DCP2: variants seen among roughly 807,000 people sequenced by gnomAD.
DCP2 encodes decapping mRNA 2.
In DCP2, 30 loss-of-function variants were observed where a neutral mutation model predicts 56.1. That is an observed-to-expected ratio of 0.53 (90% CI 0.40 to 0.73). DCP2 has a LOEUF of 0.73. Among genes scored for constraint, DCP2 ranks in the 30% least tolerant of loss-of-function variants. DCP2 has a pLI of 0.00. For synonymous variants in DCP2, 197 were observed against 163.3 expected, an observed-to-expected ratio of 1.21 and a Z score of -1.57; for missense variants, 533 against 502.7, an observed-to-expected ratio of 1.06 and a Z score of -0.58.
At position 113,018,085 on chromosome 5, in the gene DCP2, C is replaced by T. The variant is rs1408126477; in HGVS notation, c.*4601C>T. 6.6e-6 allele frequency: 1 copy of T among 152,226 alleles called. No homozygotes were observed. Among genetic ancestry groups the T allele is most frequent in the East Asian group, 1.9e-4 (1 of 5,200 alleles). The allele number at this position is 152,226 out of a possible 1,614,324, so 9.4% of individuals were successfully genotyped here. A position where few individuals can be genotyped will look rare whatever the true frequency, so the allele number is the denominator to read the frequency against. On this transcript the variant is annotated 3_prime_UTR_variant, in exon 11 of 11. Transcript: ENST00000389063. ...AGCCATAATCTGCTTTGGTGTCAGT[C>T]ACATCACAGTGGTTATACATTTGTC...
intron 4 of DCP2, among the ~76,000 whole-genome samples, 195 bp downstream of exon 4, chr5:112,992,965 G>T (rs1450719640): frequency 4.1e-5 from 6 of 144,808 alleles, no homozygotes; most frequent in African/African-American, 1.0e-4. Flanking sequence ...ATTCTTATCT[G>T]TTCCCATTTT....
intron 1 of DCP2, chr5:112,984,693 A>ATATATATATATATAT (rs1267092599): frequency 1.5e-4 from 11 of 75,674 alleles, no homozygotes; most frequent in African/African-American, 6.9e-4. Flanking sequence ...AATTAAAAAA[A>ATATATATATATATAT]AAAAAAAAAA....
At chr5:112,988,201 G>A (rs1375064258) in intron 2 of DCP2, among the ~76,000 whole-genome samples, 1 of 151,922 alleles carries the variant, frequency 6.6e-6, no homozygotes, top group Non-Finnish European at 1.5e-5. Context: ...CGGTATCCAA[G>A]GCCGGGTGCG....
intron 1 of DCP2, 142 bp from the exon 2 acceptor site, chr5:112,985,693 C>G: frequency 1.2e-6 from 1 of 825,642 alleles, no homozygotes; most frequent in Non-Finnish European, 1.8e-6. Flanking sequence ...GTATTTCTCT[C>G]AAATATTAAT....
intron 7 of DCP2, among the ~76,000 whole-genome samples, chr5:113,002,226 C>G (rs1330179165): frequency 6.6e-6 from 1 of 152,044 alleles, no homozygotes; most frequent in African/African-American, 2.4e-5. Flanking sequence ...AGTTCAAGAC[C>G]AGCCTGGTCA....
At chr5:112,979,000 A>G (rs1747864883) in intron 1 of DCP2, among the ~76,000 whole-genome samples, 1 of 152,176 alleles carries the variant, frequency 6.6e-6, no homozygotes, top group African/African-American at 2.4e-5. Context: ...ACATCATTTA[A>G]ATAAGTGATG....
rs540929079 is a variant in DCP2 at position 113,014,807 on chromosome 5, G to C, written c.*1323G>C. Reference sequence around the variant, plus strand: ...TGGGTTTTAAAAATCCTTTTTTACAGTGGTATCCACAAAATACTTCTCTGC... The same window carrying C: ...TGGGTTTTAAAAATCCTTTTTTACACTGGTATCCACAAAATACTTCTCTGC... On this transcript the variant is annotated 3_prime_UTR_variant, in exon 11 of 11. Coordinates refer to ENST00000389063, the MANE Select transcript of DCP2 (RefSeq NM_152624.6). 2 of 152,712 alleles carry C rather than the reference G, an allele frequency of 1.3e-5. No homozygotes were observed. Among genetic ancestry groups the C allele is most frequent in the Middle Eastern group, 6.8e-3 (2 of 294 alleles). The allele number at this position is 152,712 out of a possible 1,614,324, so 9.5% of individuals were successfully genotyped here. A position where few individuals can be genotyped will look rare whatever the true frequency, so the allele number is the denominator to read the frequency against.
intron 1 of DCP2, among the ~76,000 whole-genome samples, chr5:112,979,894 G>C (rs1410398593): frequency 6.6e-6 from 1 of 152,098 alleles, no homozygotes; most frequent in Non-Finnish European, 1.5e-5. Flanking sequence ...AAATTTTTAA[G>C]TGTGTGTGTG....
Position 113,014,062 on chromosome 5 carries a change from G to C in DCP2, c.*578G>C, listed in dbSNP as rs144432133. On this transcript the variant is annotated 3_prime_UTR_variant, in exon 11 of 11. Transcript: ENST00000389063. ...TTGAGCAGCTTCTGGAATATAATGT[G>C]CATGTCCAAAATGAACTCAGCGCTT... 6.6e-6 allele frequency: 1 copy of C among 152,254 alleles called. No homozygotes were observed. The highest frequency in any genetic ancestry group is 1.9e-4 in the East Asian group (1 of 5,198). The allele number at this position is 152,254 out of a possible 1,614,324, so 9.4% of individuals were successfully genotyped here. A position where few individuals can be genotyped will look rare whatever the true frequency, so the allele number is the denominator to read the frequency against.
Position 113,002,162 on chromosome 5 carries a change from C to G in DCP2, c.806+488C>G, listed in dbSNP as rs186059474. On this transcript the variant is annotated intron_variant, in intron 7 of 10. Coordinates refer to ENST00000389063, the MANE Select transcript of DCP2 (RefSeq NM_152624.6). ...TCCCAGCAAGGGACAGTGGCTCACG[C>G]CTGTAATTCCAGCACTTTGGGAGGC... Among the ~76,000 whole-genome samples the G allele has an allele frequency of 5.6e-3, 849 of 152,254 alleles. 17 individuals are homozygous for G. The highest frequency in any genetic ancestry group is 5.9e-3 in the Non-Finnish European group (403 of 68,024).
rs567709620 is a variant in DCP2, at chr5:113,021,161, C to T, written c.*7677C>T. Among the ~76,000 whole-genome samples the T allele has an allele frequency of 3.3e-5, 5 of 152,076 alleles. No homozygotes were observed. The highest frequency in any genetic ancestry group is 2.1e-4 in the South Asian group (1 of 4,806). ...TTGGGAGGCTGAGTTGGGTGGATCA[C>T]GAGGTCAGGAGTTCGAGACCAGCCT... On this transcript the variant is annotated 3_prime_UTR_variant, in exon 11 of 11. Transcript: ENST00000389063.
intron 4 of DCP2, among the ~76,000 whole-genome samples, chr5:112,998,902 T>C (rs910732934): frequency 2.0e-5 from 3 of 152,242 alleles, no homozygotes; most frequent in East Asian, 3.8e-4. Flanking sequence ...AACATTGATA[T>C]GGTGCTGTTT....
intron 8 of DCP2, 40 bp downstream of exon 8, chr5:113,004,117 T>C (rs376115256): frequency 1.5e-4 from 233 of 1,590,730 alleles, no homozygotes; most frequent in Non-Finnish European, 1.9e-4. Flanking sequence ...GAAATTTAGA[T>C]CATTTGGCTT....
In DCP2 at chr5:113,007,139, AT is replaced by A. The variant is rs1029526941; in HGVS notation, c.943-798del. ...AAGTGAGACTCCATTTAAAAAAAAA[AT>A]AATAGTAATCTTTGTTATTTTGTAA... On this transcript the variant is annotated intron_variant, in intron 8 of 10. Coordinates refer to ENST00000389063, the MANE Select transcript of DCP2 (RefSeq NM_152624.6). 1.3e-3 allele frequency among the ~76,000 whole-genome samples: 201 copies of A among 152,278 alleles called. 1 individual carries two copies. Among genetic ancestry groups the A allele is most frequent in the African/African-American group, 4.7e-3 (194 of 41,560 alleles).
chr5:112,993,128 C>G (rs1208679976), intron 4 of DCP2, among the ~76,000 whole-genome samples: 1 of 152,014 alleles, frequency 6.6e-6, no homozygotes. Context: ...GACAAGTGCA[C>G]AATTTGGGAT....
In DCP2 at chr5:112,977,089, G is replaced by A. The variant is rs899931884; in HGVS notation, c.53+103G>A. 1.2e-5 allele frequency: 10 copies of A among 837,972 alleles called. No homozygotes were observed. In the African/African-American group the frequency reaches 1.4e-4, roughly 12 times the overall value. 51.9% of individuals were successfully genotyped at this position (837,972 alleles called of 1,614,324 possible). A position where few individuals can be genotyped will look rare whatever the true frequency, so the allele number is the denominator to read the frequency against. On this transcript the variant is annotated intron_variant, in intron 1 of 10. Coordinates refer to ENST00000389063, the MANE Select transcript of DCP2 (RefSeq NM_152624.6). The stretch of plus-strand genomic sequence containing the variant: ...CTTCCCCGCCCACGTCCATGTCCTC[G>A]CTTTCCGCTCCCGCCGCTGCTCGCT...
Position 113,019,027 on chromosome 5 carries a change from T to C in DCP2, c.*5543T>C, listed in dbSNP as rs1480999001. 6.6e-6 allele frequency: 1 copy of C among 152,220 alleles called. No homozygotes were observed. Among genetic ancestry groups the C allele is most frequent in the Non-Finnish European group, 1.5e-5 (1 of 68,050 alleles). The allele number at this position is 152,220 out of a possible 1,614,324, so 9.4% of individuals were successfully genotyped here. A position where few individuals can be genotyped will look rare whatever the true frequency, so the allele number is the denominator to read the frequency against. Reference sequence around the variant, plus strand: ...AGTGAAATGGGCAGTGTTCTGCTGGTCCTCAGTCTTTGAGAGGTCTTAGGC... The same window carrying C: ...AGTGAAATGGGCAGTGTTCTGCTGGCCCTCAGTCTTTGAGAGGTCTTAGGC... On this transcript the variant is annotated 3_prime_UTR_variant, in exon 11 of 11. Coordinates refer to ENST00000389063, the MANE Select transcript of DCP2 (RefSeq NM_152624.6).
intron 4 of DCP2, among the ~76,000 whole-genome samples, chr5:112,993,752 C>G (rs1225604954): frequency 6.6e-6 from 1 of 151,828 alleles, no homozygotes. Context: ...CAGCTTAAAT[C>G]CCTTTTCCCT....
rs1183829945 is a variant in DCP2, at chr5:113,021,243, T to C, written c.*7759T>C. On this transcript the variant is annotated 3_prime_UTR_variant, in exon 11 of 11. Coordinates refer to ENST00000389063, the MANE Select transcript of DCP2 (RefSeq NM_152624.6). Reference sequence around the variant, plus strand: ...TTAGCTGGGCGTGGTGGTGCGTGTCTGTAGTCCCAGCTACTTGGGAGGCTG... The same window carrying C: ...TTAGCTGGGCGTGGTGGTGCGTGTCCGTAGTCCCAGCTACTTGGGAGGCTG... 1.3e-5 allele frequency among the ~76,000 whole-genome samples: 2 copies of C among 151,924 alleles called. No individual in the cohort carries two copies. Among genetic ancestry groups the C allele is most frequent in the African/African-American group, 2.4e-5 (1 of 41,354 alleles).
Sources: allele counts gnomAD v4.1 joint callset (sites outside exome capture counted in the v4.1 genomes callset), GRCh38; gene constraint gnomAD v4.1.1; transcripts MANE v1.5; gene names NCBI Gene and HGNC (gene_info 2026-07-23, HGNC 2026-07-21).